Variants in QPCT observed in about 807,000 individuals in gnomAD.
QPCT encodes the protein EC.
Under a neutral mutation model 43.4 loss-of-function variants are expected in QPCT, and 44 were observed. That is an observed-to-expected ratio of 1.01 (90% CI 0.80 to 1.30). QPCT has a LOEUF of 1.30. QPCT is among the 50% of genes most tolerant of loss of function. QPCT has a pLI of 0.00. For synonymous variants in QPCT, 168 were observed against 168.4 expected (o/e 1.00, Z 0.02); for missense variants, 526 against 436.5 (o/e 1.21, Z -1.83).
chr2:37,367,640 G>T (rs891723849), intron 4 of QPCT, among the ~76,000 whole-genome samples: 1 of 152,178 alleles, frequency 6.6e-6, no homozygotes, highest in East Asian at 1.9e-4. Context: ...GGGAGGTTGA[G>T]GTGGGAGGAT....
intron 4 of QPCT, chr2:37,368,755 A>G (rs1572738268): frequency 8.6e-6 from 4 of 465,662 alleles, no homozygotes; most frequent in African/African-American, 8.0e-5. Flanking sequence ...CAGTAGAACA[A>G]AGTTATTTAT....
intron 1 of QPCT, among the ~76,000 whole-genome samples, chr2:37,345,247 G>A (rs942916875): frequency 2.0e-5 from 3 of 152,212 alleles, no homozygotes; most frequent in African/African-American, 7.2e-5. Flanking sequence ...GCTAGGGTGC[G>A]GGGTGCGCCT....
At chr2:37,354,224 A>C (rs72864855) in intron 2 of QPCT, among the ~76,000 whole-genome samples, 1 of 152,048 alleles carries the variant, frequency 6.6e-6, no homozygotes, top group Non-Finnish European at 1.5e-5. Flanking sequence ...AGATATCCAT[A>C]TGTCTGTGTC....
chr2:37,367,598 T>A (rs78344446), intron 4 of QPCT, among the ~76,000 whole-genome samples, 190 bp downstream of exon 4: 2,938 of 152,296 alleles, frequency 0.019, 44 homozygotes, highest in Middle Eastern at 0.034. Context: ...CTGAGCTGGC[T>A]CTGTGGCTCA....
intron 3 of QPCT, among the ~76,000 whole-genome samples, chr2:37,361,601 C>G (rs1672859367): frequency 6.6e-6 from 1 of 152,150 alleles, no homozygotes; most frequent in African/African-American, 2.4e-5. Flanking sequence ...CCTGCCAGTC[C>G]CAGCAGAAGG....
rs988087021 is a variant in QPCT at position 37,367,513 on chromosome 2, GCA to G, written c.723+108_723+109del. On this transcript the variant is annotated intron_variant, in intron 4 of 6. Coordinates refer to ENST00000338415, the MANE Select transcript of QPCT (RefSeq NM_012413.4). ...CTAAAAATGCCACAGCATCCTTGGA[GCA>G]CAGTGTTTATGATAGAACATTCCTT... 8.6e-6 allele frequency: 10 copies of G among 1,166,674 alleles called. No individual in the cohort carries two copies. In the African/African-American group the frequency reaches 1.6e-4, roughly 18 times the overall value. 72.3% of individuals were successfully genotyped at this position (1,166,674 alleles called of 1,614,324 possible).
At position 37,367,420 on chromosome 2, in the gene QPCT, C is replaced by A; in HGVS notation, c.723+12C>A. On this transcript the variant is annotated intron_variant, in intron 4 of 6. Transcript: ENST00000338415. ...AACTGCATGGCATGGTTAGTCTGGG[C>A]AATTTCCCTAGCACTGTAGCTGTAG... The A allele has an allele frequency of 1.9e-6, 3 of 1,611,442 alleles. No homozygotes were observed. The highest frequency in any genetic ancestry group is 2.5e-6 in the Non-Finnish European group (3 of 1,178,974).
intron 3 of QPCT, among the ~76,000 whole-genome samples, chr2:37,360,511 G>A (rs1366833996): frequency 2.6e-5 from 4 of 152,078 alleles, no homozygotes; most frequent in East Asian, 1.9e-4. Flanking sequence ...AAGATATTTT[G>A]TTCTGATATC....
chr2:37,354,107 G>C (rs1008792209), intron 2 of QPCT, among the ~76,000 whole-genome samples: 1 of 152,098 alleles, frequency 6.6e-6, no homozygotes, highest in Non-Finnish European at 1.5e-5. Context: ...CTCGTGATCC[G>C]CCCGCCTCGG....
intron 5 of QPCT, among the ~76,000 whole-genome samples, chr2:37,370,167 AG>A (rs1293720522): frequency 6.6e-6 from 1 of 152,186 alleles, no homozygotes; most frequent in Non-Finnish European, 1.5e-5. Flanking sequence ...CCTGGGTGAC[AG>A]GGTGAGGCGC....
At chr2:37,363,959 C>T (rs992088809) in intron 3 of QPCT, among the ~76,000 whole-genome samples, 17 of 151,960 alleles carry the variant, frequency 1.1e-4, no homozygotes, top group South Asian at 4.2e-4. Context: ...AAAAAGGAGA[C>T]GATTATGACT....
chr2:37,360,189 T>C (rs1439127044), intron 3 of QPCT: 1 of 281,152 alleles, frequency 3.6e-6, no homozygotes, highest in Non-Finnish European at 6.8e-6. Flanking sequence ...ATGAACTATG[T>C]TTATTTCTTC....
chr2:37,353,565 T>C (rs1439970766), intron 2 of QPCT, among the ~76,000 whole-genome samples: 1 of 152,236 alleles, frequency 6.6e-6, no homozygotes, highest in Admixed American at 6.5e-5. Flanking sequence ...TCTTAAAAAA[T>C]GCTGGTCATA....
In QPCT at chr2:37,372,384, C is replaced by T. The variant is rs1194802199; in HGVS notation, c.852C>T (p.Leu284=). 1 of 1,613,996 alleles carries T rather than the reference C, an allele frequency of 6.2e-7. No individual in the cohort carries two copies. Among genetic ancestry groups the T allele is most frequent in the South Asian group, 1.1e-5 (1 of 91,072 alleles). Residue 284 remains leucine (L), a synonymous_variant, in exon 6 of 7, where the codon CTC becomes CTT. Coordinates refer to ENST00000338415, the MANE Select transcript of QPCT (RefSeq NM_012413.4). ...ATGAACTTCATGAATTGGGTTTGCT[C>T]AAGGATCACTCTTTGGAGGGGCGGT... ...IEHELHELGL[L]KDHSLEGRYF...
At position 37,372,900 on chromosome 2, in the gene QPCT, G is replaced by A; in HGVS notation, c.*73G>A. ...GTCAAGGCATCATTTAAAATAATCT[G>A]ATTTCAGACAAATGCTGTGTGGAAA... On this transcript the variant is annotated 3_prime_UTR_variant, in exon 7 of 7. Coordinates refer to ENST00000338415, the MANE Select transcript of QPCT (RefSeq NM_012413.4). 7.4e-7 allele frequency: 1 copy of A among 1,346,002 alleles called. No individual in the cohort carries two copies. Among genetic ancestry groups the A allele is most frequent in the Non-Finnish European group, 1.0e-6 (1 of 983,166 alleles). 83.4% of individuals were successfully genotyped at this position (1,346,002 alleles called of 1,614,324 possible).
intron 5 of QPCT, among the ~76,000 whole-genome samples, chr2:37,371,770 C>G (rs187897839): frequency 6.6e-6 from 1 of 152,122 alleles, no homozygotes; most frequent in Non-Finnish European, 1.5e-5. Flanking sequence ...TGGACTCCAG[C>G]CCCAGAATTT....
chr2:37,348,271 A>G (rs1384238106), intron 1 of QPCT, among the ~76,000 whole-genome samples: 1 of 152,186 alleles, frequency 6.6e-6, no homozygotes, highest in Non-Finnish European at 1.5e-5. Flanking sequence ...TCCTAGTCAC[A>G]GCTAATAAGC....
At chr2:37,366,144 G>T (rs545769620) in intron 3 of QPCT, among the ~76,000 whole-genome samples, 1 of 151,642 alleles carries the variant, frequency 6.6e-6, no homozygotes, top group Non-Finnish European at 1.5e-5. Flanking sequence ...CCATGAAAAG[G>T]TGAAACATTC....
At chr2:37,366,998 A>T in intron 3 of QPCT, 2 of 461,654 alleles carry the variant, frequency 4.3e-6, no homozygotes, top group Non-Finnish European at 7.7e-6. Context: ...AATATAAAAG[A>T]CTTCTATTTT....
Sources: allele counts gnomAD v4.1 joint callset (sites outside exome capture counted in the v4.1 genomes callset), GRCh38; gene constraint gnomAD v4.1.1; transcripts MANE v1.5; gene names NCBI Gene and HGNC (gene_info 2026-07-23, HGNC 2026-07-21).